FSD2: variants seen among roughly 807,000 people sequenced by gnomAD.
The protein encoded by FSD2 is fibronectin type III and SPRY domain-containing protein 2.
FSD2 carries 71 observed loss-of-function variants against 80.4 expected under a neutral mutation model. That is an observed-to-expected ratio of 0.88 (90% CI 0.73 to 1.08). FSD2 has a LOEUF of 1.08. FSD2 is among the 50% of genes least tolerant of loss of function. The pLI is 0.00. For missense variants in FSD2, 923 were observed against 913.8 expected (o/e 1.01, Z -0.13); for synonymous variants, 361 against 329.5 (o/e 1.10, Z -1.03).
At chr15:82,788,697 C>T (rs1040621418) in intron 1 of FSD2, among the ~76,000 whole-genome samples, 1 of 151,946 alleles carries the variant, frequency 6.6e-6, no homozygotes, top group Admixed American at 6.6e-5. Flanking sequence ...AGCTTGGCAA[C>T]CTGGGTCAGG....
chr15:82,789,460 A>G (rs1225724304), intron 1 of FSD2, among the ~76,000 whole-genome samples: 1 of 151,984 alleles, frequency 6.6e-6, no homozygotes, highest in Non-Finnish European at 1.5e-5. Flanking sequence ...GTTTATATAT[A>G]CATTATCCTC....
intron 3 of FSD2, among the ~76,000 whole-genome samples, 163 bp downstream of exon 3, chr15:82,786,348 G>A (rs955396764): frequency 1.3e-5 from 2 of 152,176 alleles, no homozygotes; most frequent in African/African-American, 4.8e-5. Flanking sequence ...TCCATGCCCA[G>A]GTGCTATGGG....
chr15:82,772,507 T>A (rs2151499483), intron 6 of FSD2, among the ~76,000 whole-genome samples: 1 of 152,294 alleles, frequency 6.6e-6, no homozygotes, highest in East Asian at 1.9e-4. Context: ...CGAGTCCTGC[T>A]CCAGGTTGTG....
At position 82,759,405 on chromosome 15, in the gene FSD2, A is replaced by G; in HGVS notation, c.2193T>C (p.Pro731=). 1.2e-6 allele frequency: 2 copies of G among 1,613,786 alleles called. No homozygotes were observed. Residue 731 remains proline (P), a synonymous_variant, in exon 13 of 13, where the codon CCT becomes CCC. Coordinates refer to ENST00000334574, the MANE Select transcript of FSD2 (RefSeq NM_001007122.4). ...FVHPCFSLEK[P]GCLKVHNGIS... is the part of the protein sequence containing the mutation. ...TGCCATTATGTACCTTTAGACACCC[A>G]GGCTTTTCCAAAGAAAAACAGGGAT... is the stretch of plus-strand genomic sequence containing the variant.
intron 1 of FSD2, among the ~76,000 whole-genome samples, chr15:82,801,248 A>G (rs1596267640): frequency 6.6e-6 from 1 of 152,180 alleles, no homozygotes; most frequent in Non-Finnish European, 1.5e-5. Context: ...TGATGGAACC[A>G]TGTCCTGCTC....
At chr15:82,800,891 T>G (rs1374194827) in intron 1 of FSD2, among the ~76,000 whole-genome samples, 1 of 152,098 alleles carries the variant, frequency 6.6e-6, no homozygotes, top group Non-Finnish European at 1.5e-5. Flanking sequence ...TTCATTTTAA[T>G]GCTAAAAATC....
intron 11 of FSD2, among the ~76,000 whole-genome samples, chr15:82,763,796 C>T (rs1156402211): frequency 1.3e-5 from 2 of 152,198 alleles, no homozygotes; most frequent in Non-Finnish European, 2.9e-5. Context: ...CAATAATTCT[C>T]ACCACATAGA....
At chr15:82,793,525 T>C (rs1195343256) in intron 1 of FSD2, among the ~76,000 whole-genome samples, 5 of 152,138 alleles carry the variant, frequency 3.3e-5, no homozygotes. Context: ...CAATCACACA[T>C]GCAGAAACTA....
chr15:82,760,962 C>T (rs1453896682), intron 12 of FSD2, among the ~76,000 whole-genome samples: 1 of 152,192 alleles, frequency 6.6e-6, no homozygotes, highest in African/African-American at 2.4e-5. Flanking sequence ...AAAGAAGAGA[C>T]TTTGCTCTTT....
chr15:82,782,228 T>C (rs1169938566), intron 4 of FSD2, among the ~76,000 whole-genome samples: 1 of 149,382 alleles, frequency 6.7e-6, no homozygotes, highest in African/African-American at 2.5e-5. Flanking sequence ...ACCCCGTCTC[T>C]ACTAAAAATA....
Position 82,765,264 on chromosome 15 carries a change from A to G in FSD2, c.1722T>C (p.His574=). The G allele has an allele frequency of 6.2e-7, 1 of 1,613,162 alleles. No individual in the cohort carries two copies. Among genetic ancestry groups the G allele is most frequent in the Non-Finnish European group, 8.5e-7 (1 of 1,179,590 alleles). The change falls in exon 11 of 13, where the codon CAT becomes CAC. Residue 574 remains histidine, a synonymous_variant. Transcript: ENST00000334574. ...CGTCTTCAGAAATGGTCAGCCAGGG[A>G]TGGCAAGTGTCCTTGTTTAGGCGAA... ...SYFRLNKDTC[H]PWLTISEDGL... is the part of the protein sequence containing the mutation.
chr15:82,797,892 T>A (rs2050315932), intron 1 of FSD2, among the ~76,000 whole-genome samples: 2 of 152,174 alleles, frequency 1.3e-5, no homozygotes, highest in South Asian at 2.1e-4. Context: ...TTAAAAGTTG[T>A]ATTGGTAACT....
intron 1 of FSD2, among the ~76,000 whole-genome samples, chr15:82,794,107 A>T (rs916691464): frequency 6.6e-6 from 1 of 151,974 alleles, no homozygotes; most frequent in East Asian, 1.9e-4. Context: ...CTTGTTAAAT[A>T]TAGGCATTTA....
At chr15:82,803,639 T>C (rs2050464350) in intron 1 of FSD2, among the ~76,000 whole-genome samples, 1 of 152,130 alleles carries the variant, frequency 6.6e-6, no homozygotes, top group East Asian at 1.9e-4. Context: ...ACTGCATTGC[T>C]ACTATCCATG....
At chr15:82,764,492 C>CTT (rs60095355) in intron 11 of FSD2, among the ~76,000 whole-genome samples, 1,364 of 86,086 alleles carry the variant, frequency 0.016, 175 homozygotes, top group African/African-American at 0.06. Flanking sequence ...TCTTTACTTG[C>CTT]TTTTTTTTTT....
chr15:82,756,518 G>A lies in FSD2; in HGVS notation c.*2830C>T, dbSNP rs920289774. 5 of 152,354 alleles carry A rather than the reference G, an allele frequency of 3.3e-5. No individual in the cohort carries two copies. Among genetic ancestry groups the A allele is most frequent in the South Asian group, 2.1e-4 (1 of 4,830 alleles). 9.4% of individuals were successfully genotyped at this position (152,354 alleles called of 1,614,324 possible). ...TGTGTGTCATTTGAACCAGCAGGAA[G>A]TAATTTATTAAACACACTTTTCTAA... On this transcript the variant is annotated 3_prime_UTR_variant, in exon 13 of 13. Transcript: ENST00000334574.
chr15:82,781,950 G>T (rs1052489561), intron 4 of FSD2, among the ~76,000 whole-genome samples: 1 of 151,162 alleles, frequency 6.6e-6, no homozygotes, highest in East Asian at 1.9e-4. Context: ...TGTAATCCCA[G>T]CTACTCAGGA....
intron 1 of FSD2, among the ~76,000 whole-genome samples, chr15:82,793,142 C>G (rs150180739): frequency 0.01 from 1,596 of 152,176 alleles, 7 homozygotes; most frequent in Non-Finnish European, 0.016. Flanking sequence ...GTCACCCAGG[C>G]TGGAGTGCAG....
intron 1 of FSD2, among the ~76,000 whole-genome samples, chr15:82,801,679 G>A (rs1341092731): frequency 6.6e-6 from 1 of 152,116 alleles, no homozygotes; most frequent in Non-Finnish European, 1.5e-5. Context: ...TCCTCATAAG[G>A]AAACCTTACT....
Sources: gnomAD v4.1 joint callset for allele counts (sites outside exome capture counted in the v4.1 genomes callset) on GRCh38, gnomAD v4.1.1 for gene constraint, MANE v1.5 for transcripts, NCBI Gene and HGNC (gene_info 2026-07-23, HGNC 2026-07-21) for gene names.